Variants in EP400 observed in about 807,000 individuals in gnomAD.
The protein encoded by EP400 is E1A binding protein p400, also known as E1A-binding protein p400.
Under a neutral mutation model 354.1 loss-of-function variants are expected in EP400, and 105 were observed. That is an observed-to-expected ratio of 0.30 (90% CI 0.25 to 0.35). EP400 has a LOEUF of 0.35. EP400 is among the 10% of genes least tolerant of loss of function. EP400 has a pLI of 1.00. For synonymous variants in EP400, 1,646 were observed against 1,716.9 expected, an observed-to-expected ratio of 0.96 and a Z score of 1.02; for missense variants, 3,280 against 4,121.0, an observed-to-expected ratio of 0.80 and a Z score of 5.59.
intron 15 of EP400, among the ~76,000 whole-genome samples, chr12:132,008,909 C>T (rs150044553): frequency 0.017 from 2,427 of 145,644 alleles, 71 homozygotes; most frequent in African/African-American, 0.058. Flanking sequence ...CGTGAGACAC[C>T]GTGCCCAGCC....
chr12:131,955,407 C>T (rs555371365), intron 1 of EP400, among the ~76,000 whole-genome samples: 3 of 152,042 alleles, frequency 2.0e-5, no homozygotes, highest in East Asian at 3.9e-4. Flanking sequence ...CTCAGCCTCC[C>T]GAGTAGCTGG....
Position 132,025,742 on chromosome 12 carries a change from A to G in EP400, c.4952A>G (p.His1651Arg). Residue 1651 changes from histidine to arginine, a missense_variant, in exon 25 of 53, where the codon CAC (histidine) becomes CGC (arginine). Physicochemically the swap from His to Arg is conservative, Grantham distance 29. Coordinates refer to ENST00000389561, the MANE Select transcript of EP400 (RefSeq NM_015409.5). The surrounding 1 kb of genome is among the most constrained non-coding windows in gnomAD (Gnocchi z 4.1). ...MQTVSQAGAVHGALGSKPPAG... is the reference protein window; with the variant it reads ...MQTVSQAGAVRGALGSKPPAG... ...ACCGTGTCTCAGGCGGGCGCTGTGC[A>G]CGGCGCCCTGGGAAGCAAGCCCCCG... The G allele has an allele frequency of 6.2e-7, 1 of 1,612,642 alleles. No homozygotes were observed. Among genetic ancestry groups the G allele is most frequent in the Non-Finnish European group, 8.5e-7 (1 of 1,179,676 alleles).
chr12:132,050,386 A>G lies in EP400; in HGVS notation c.7264A>G (p.Thr2422Ala). The change falls in exon 40 of 53, where the codon ACC becomes GCC. Residue 2422 changes from threonine to alanine, a missense_variant. By Grantham distance (58) the Thr-to-Ala change is moderately conservative. Coordinates refer to ENST00000389561, the MANE Select transcript of EP400 (RefSeq NM_015409.5). This position sits in a 1 kb window ranked among gnomAD's most constrained non-coding sequence, Gnocchi z 4.8. ...IYAQDENATH[T>A]QLYTSHFDLM... The stretch of plus-strand genomic sequence containing the variant: ...TGCCCAGGATGAGAATGCCACACAC[A>G]CCCAGCTGTACACGAGCCACTTTGA... The G allele has an allele frequency of 6.2e-7, 1 of 1,610,120 alleles. No homozygotes were observed. Among genetic ancestry groups the G allele is most frequent in the Non-Finnish European group, 8.5e-7 (1 of 1,178,368 alleles).
chr12:132,073,794 CT>C (rs2136623810), intron 51 of EP400, among the ~76,000 whole-genome samples: 1 of 151,808 alleles, frequency 6.6e-6, no homozygotes, highest in East Asian at 1.9e-4. Context: ...TGTGGAATTA[CT>C]TTCCTTCCAC....
intron 1 of EP400, among the ~76,000 whole-genome samples, chr12:131,952,796 C>T (rs1033925087): frequency 2.0e-5 from 3 of 152,084 alleles, no homozygotes; most frequent in Non-Finnish European, 4.4e-5. Context: ...GTGAACGTAC[C>T]GGTTTGTCTG....
chr12:132,014,696 C>T (rs1441147999), intron 19 of EP400, among the ~76,000 whole-genome samples: 2 of 152,206 alleles, frequency 1.3e-5, no homozygotes, highest in African/African-American at 4.8e-5. Flanking sequence ...TCAGCCTCAG[C>T]GTCCCTCACA....
chr12:132,037,866 A>T, intron 31 of EP400, 73 bp downstream of exon 31: 3 of 1,609,844 alleles, frequency 1.9e-6, no homozygotes, highest in South Asian at 1.1e-5. Flanking sequence ...GTGTTAGTGC[A>T]CACTAGCAAG....
intron 30 of EP400, among the ~76,000 whole-genome samples, chr12:132,034,793 A>G (rs934784089): frequency 1.3e-5 from 2 of 152,144 alleles, no homozygotes; most frequent in African/African-American, 4.8e-5. Context: ...CAGAGGGATG[A>G]AGGACTTGAA....
chr12:132,048,286 A>G (rs1441323427), intron 39 of EP400, among the ~76,000 whole-genome samples: 1 of 152,182 alleles, frequency 6.6e-6, no homozygotes, highest in African/African-American at 2.4e-5. Flanking sequence ...AATCTTCACA[A>G]TTTATGTTTA....
At chr12:132,032,621 A>C (rs1028035239) in intron 30 of EP400, among the ~76,000 whole-genome samples, 5 of 149,354 alleles carry the variant, frequency 3.3e-5, no homozygotes, top group Non-Finnish European at 7.4e-5. Flanking sequence ...AAAGAGAATT[A>C]GTTTTTTTTT....
chr12:132,028,126 C>T lies in EP400; in HGVS notation c.5219C>T (p.Ala1740Val), dbSNP rs1565921007. The T allele has an allele frequency of 6.2e-7, 1 of 1,614,082 alleles. No homozygotes were observed. Among genetic ancestry groups the T allele is most frequent in the South Asian group, 1.1e-5 (1 of 91,086 alleles). The change falls in exon 27 of 53, where the codon GCC becomes GTC. Residue 1740 changes from alanine (A) to valine (V), a missense_variant. By Grantham distance (64) the Ala-to-Val change is moderately conservative (BLOSUM62 0). This residue lies in a region of EP400 where 459 missense variants were observed against 496.9 expected (regional missense o/e 0.92). Coordinates refer to ENST00000389561, the MANE Select transcript of EP400 (RefSeq NM_015409.5). The stretch of plus-strand genomic sequence containing the variant: ...GGCAGAGACTTGCTAAGGATTTGTG[C>T]CCTGCCTAGCCATGGAAGGGTACAG... ...VYGRDLLRICALPSHGRVQWR... is the reference protein window; with the variant it reads ...VYGRDLLRICVLPSHGRVQWR...
Position 131,994,758 on chromosome 12 carries a change from A to G in EP400, c.2738-109A>G. The G allele has an allele frequency of 1.2e-6, 1 of 835,720 alleles. No homozygotes were observed. Among genetic ancestry groups the G allele is most frequent in the East Asian group, 2.8e-5 (1 of 35,718 alleles). The allele number at this position is 835,720 out of a possible 1,614,324, so 51.8% of individuals were successfully genotyped here. ...TGAGAAGTTTAAAAGCTCAGTTTCA[A>G]TTTCTGTAATAGCTATGCAAAATAA... On this transcript the variant is annotated intron_variant, in intron 11 of 52. Coordinates refer to ENST00000389561, the MANE Select transcript of EP400 (RefSeq NM_015409.5). This position sits in a 1 kb window ranked among gnomAD's most constrained non-coding sequence, Gnocchi z 4.6.
intron 51 of EP400, among the ~76,000 whole-genome samples, chr12:132,074,811 C>T (rs960806225): frequency 6.6e-6 from 1 of 152,128 alleles, no homozygotes; most frequent in Non-Finnish European, 1.5e-5. Context: ...TTCAGAAGTT[C>T]CCAAATAATG....
At chr12:131,996,528 T>C (rs1893222965) in intron 12 of EP400, among the ~76,000 whole-genome samples, 1 of 152,080 alleles carries the variant, frequency 6.6e-6, no homozygotes, top group South Asian at 2.1e-4. Flanking sequence ...CCTGACCTCA[T>C]GATCCACCCG....
chr12:131,972,444 C>T (rs922875913), intron 2 of EP400, among the ~76,000 whole-genome samples: 1 of 152,014 alleles, frequency 6.6e-6, no homozygotes, highest in Admixed American at 6.6e-5. Context: ...TGAGCCACCG[C>T]ACCTGGCCGA....
chr12:132,007,017 C>A, intron 15 of EP400, 140 bp downstream of exon 15: 2 of 845,338 alleles, frequency 2.4e-6, no homozygotes, highest in Non-Finnish European at 1.8e-6. Context: ...AATTGAGGCT[C>A]AGAAGTATTC....
chr12:131,992,578 T>A (rs1156988070), intron 11 of EP400, among the ~76,000 whole-genome samples: 2 of 152,168 alleles, frequency 1.3e-5, no homozygotes, highest in African/African-American at 2.4e-5. Context: ...TGCCAGCCAT[T>A]GGGATTTCAG....
At chr12:132,020,979 T>C in intron 22 of EP400, 100 bp from the exon 23 acceptor site, 2 of 1,398,344 alleles carry the variant, frequency 1.4e-6, no homozygotes, top group Non-Finnish European at 1.9e-6. Context: ...TGAGAGACGG[T>C]GTGAAATGTT....
chr12:131,967,938 C>T (rs1892158454), intron 2 of EP400, among the ~76,000 whole-genome samples: 1 of 152,126 alleles, frequency 6.6e-6, no homozygotes, highest in Admixed American at 6.5e-5. Context: ...AGTATCTGTT[C>T]ATGTCTCACC....
Sources: gnomAD v4.1 joint callset for allele counts (sites outside exome capture counted in the v4.1 genomes callset) on GRCh38, gnomAD v4.1.1 for gene constraint, gnomAD v4.1.1 regional missense constraint, Gnocchi (gnomAD v3.1) non-coding constraint, MANE v1.5 for transcripts, NCBI Gene and HGNC (gene_info 2026-07-23, HGNC 2026-07-21) for gene names.